Variants in WASF2 observed in about 807,000 individuals in gnomAD.
WASF2 encodes the protein WASP family member 2, also known as actin-binding protein WASF2.
Under a neutral mutation model 45.0 loss-of-function variants are expected in WASF2, and 14 were observed. That is an observed-to-expected ratio of 0.31 (90% confidence interval 0.21 to 0.49). The LOEUF is 0.49. WASF2 is among the 20% of genes least tolerant of loss of function. WASF2 has a pLI of 0.99. For synonymous variants in WASF2, 200 were observed against 236.3 expected, an observed-to-expected ratio of 0.85 and a Z score of 1.41; for missense variants, 439 against 636.1, an observed-to-expected ratio of 0.69 and a Z score of 3.33.
At chr1:27,449,881 C>T (rs1326728691) in intron 1 of WASF2, among the ~76,000 whole-genome samples, 3 of 152,088 alleles carry the variant, frequency 2.0e-5, no homozygotes, top group East Asian at 1.9e-4. Context: ...TGGTGGCTCA[C>T]GCCTATAATC....
At chr1:27,446,911 G>A (rs1282021357) in intron 1 of WASF2, among the ~76,000 whole-genome samples, 1 of 151,986 alleles carries the variant, frequency 6.6e-6, no homozygotes. Context: ...CTTGCTCTCT[G>A]GTCTCTAGCC....
Position 27,414,850 on chromosome 1 carries a change from T to C in WASF2, c.651A>G (p.Glu217=), listed in dbSNP as rs781659541. 6.2e-7 allele frequency: 1 copy of C among 1,614,186 alleles called. No individual in the cohort carries two copies. The highest frequency in any genetic ancestry group is 8.5e-7 in the Non-Finnish European group (1 of 1,180,028). Residue 217 remains glutamate (E), a synonymous_variant, in exon 6 of 9, where the codon GAA becomes GAG. Coordinates refer to ENST00000618852, the MANE Select transcript of WASF2 (RefSeq NM_006990.5). The surrounding 1 kb of genome is among the most constrained non-coding windows in gnomAD (Gnocchi z 4.1). ...KMGQEFVESK[E]KLGTSGYPPT... is the part of the protein sequence containing the mutation. The stretch of plus-strand genomic sequence containing the variant: ...TTACCTACCCAGAAGTCCCCAGCTT[T>C]TCTTTGGACTCCACAAATTCTTGCC...
intron 1 of WASF2, among the ~76,000 whole-genome samples, chr1:27,483,907 C>T (rs1207190329): frequency 6.6e-6 from 1 of 151,928 alleles, no homozygotes. Flanking sequence ...AGTGAGTGAG[C>T]TGTGATACTG....
At chr1:27,484,367 T>C (rs1335386014) in intron 1 of WASF2, among the ~76,000 whole-genome samples, 1 of 152,184 alleles carries the variant, frequency 6.6e-6, no homozygotes, top group African/African-American at 2.4e-5. Flanking sequence ...GTTTCTCATA[T>C]AGCATACACT....
chr1:27,449,697 C>T (rs1397583332), intron 1 of WASF2, among the ~76,000 whole-genome samples: 2 of 152,068 alleles, frequency 1.3e-5, no homozygotes, highest in African/African-American at 4.8e-5. Context: ...GTGTCTGGAA[C>T]TCCAGTCTTA....
intron 1 of WASF2, among the ~76,000 whole-genome samples, chr1:27,438,707 C>T (rs2017169623): frequency 6.6e-6 from 1 of 152,262 alleles, no homozygotes; most frequent in African/African-American, 2.4e-5. Context: ...ACTATTAATA[C>T]ACCAACTTAA....
In WASF2 at chr1:27,471,565, C is replaced by T. The variant is rs544835904; in HGVS notation, c.-44+18421G>A. ...CTCACTTCAGCCCAGGAAGCTGAGG[C>T]TGCAGAAAGCCGAGATGGCGCCACT... On this transcript the variant is annotated intron_variant, in intron 1 of 8. Coordinates refer to ENST00000618852, the MANE Select transcript of WASF2 (RefSeq NM_006990.5). Among the ~76,000 whole-genome samples the T allele has an allele frequency of 1.8e-3, 276 of 152,100 alleles. 1 individual carries two copies. Among genetic ancestry groups the T allele is most frequent in the African/African-American group, 6.1e-3 (254 of 41,504 alleles).
intron 1 of WASF2, among the ~76,000 whole-genome samples, chr1:27,469,296 T>C (rs2017658775): frequency 6.6e-6 from 1 of 152,216 alleles, no homozygotes; most frequent in South Asian, 2.1e-4. Flanking sequence ...GGCCTCACTA[T>C]ATCACCCTCT....
intron 1 of WASF2, among the ~76,000 whole-genome samples, chr1:27,438,233 A>G (rs918448914): frequency 1.1e-4 from 17 of 152,188 alleles, no homozygotes; most frequent in Non-Finnish European, 1.5e-5. Flanking sequence ...TGCGATGGAG[A>G]AGATGGGGCT....
intron 1 of WASF2, among the ~76,000 whole-genome samples, chr1:27,454,179 ATATATATATTTTTTT>A (rs1212115910): frequency 0.037 from 380 of 10,260 alleles, no homozygotes; most frequent in Admixed American, 0.05. Flanking sequence ...ATATATATAT[ATATATATATTTTTTT>A]TTTTTTTTTT....
chr1:27,437,062 C>G (rs886512670), intron 1 of WASF2, among the ~76,000 whole-genome samples: 1 of 152,134 alleles, frequency 6.6e-6, no homozygotes, highest in African/African-American at 2.4e-5. Context: ...TATGAAGGAC[C>G]ATTCATTCAC....
chr1:27,483,758 A>C (rs1346605385), intron 1 of WASF2, among the ~76,000 whole-genome samples: 1 of 151,950 alleles, frequency 6.6e-6, no homozygotes, highest in African/African-American at 2.4e-5. Context: ...GTTTAAGACC[A>C]GCCTGGGCAA....
chr1:27,409,240 A>C (rs1227167748), intron 8 of WASF2, among the ~76,000 whole-genome samples: 2 of 151,716 alleles, frequency 1.3e-5, no homozygotes, highest in East Asian at 1.9e-4. Context: ...CTGGCTAACA[A>C]AGTAAAACTC....
chr1:27,472,767 T>C (rs2148138782), intron 1 of WASF2, among the ~76,000 whole-genome samples: 1 of 136,856 alleles, frequency 7.3e-6, no homozygotes, highest in Admixed American at 7.5e-5. Context: ...TCAAGACCAA[T>C]CTGGGCAACA....
intron 4 of WASF2, 81 bp downstream of exon 4, chr1:27,418,188 G>A: frequency 3.4e-6 from 5 of 1,473,256 alleles, no homozygotes; most frequent in Non-Finnish European, 4.6e-6. Context: ...ATCCTCTGAT[G>A]GAAACAACCG....
chr1:27,429,144 G>A (rs2017028049), intron 1 of WASF2, among the ~76,000 whole-genome samples: 1 of 56,356 alleles, frequency 1.8e-5, no homozygotes, highest in African/African-American at 6.5e-5. Flanking sequence ...GATCTGCTAT[G>A]TAAGTTTAGA....
chr1:27,441,999 A>G (rs2017243823), intron 1 of WASF2, among the ~76,000 whole-genome samples: 1 of 151,356 alleles, frequency 6.6e-6, no homozygotes, highest in Admixed American at 6.6e-5. Context: ...CCAGCTACTC[A>G]GGAGGCTGAG....
intron 6 of WASF2, among the ~76,000 whole-genome samples, chr1:27,413,759 T>TAAG (rs1330296629): frequency 6.6e-6 from 1 of 152,170 alleles, no homozygotes; most frequent in Non-Finnish European, 1.5e-5. Context: ...CTTCTGGCCT[T>TAAG]AGAGTCATTG....
chr1:27,474,096 A>G (rs374751827), intron 1 of WASF2, among the ~76,000 whole-genome samples: 6 of 152,016 alleles, frequency 3.9e-5, no homozygotes, highest in African/African-American at 1.5e-4. Context: ...CCAGGAATAC[A>G]TTTTTTTTCT....
Sources: gnomAD v4.1 joint callset for allele counts (sites outside exome capture counted in the v4.1 genomes callset) on GRCh38, gnomAD v4.1.1 for gene constraint, Gnocchi (gnomAD v3.1) non-coding constraint, MANE v1.5 for transcripts, NCBI Gene and HGNC (gene_info 2026-07-23, HGNC 2026-07-21) for gene names.